NKAIN3: variants seen among roughly 807,000 people sequenced by gnomAD.
The protein encoded by NKAIN3 is sodium/potassium transporting ATPase interacting 3.
A neutral mutation model predicts 30.2 loss-of-function variants in NKAIN3; 25 were observed. The ratio of observed to expected loss-of-function variants is 0.83; its 90% CI spans 0.60 to 1.16. NKAIN3 has a LOEUF of 1.16. Among genes scored for constraint, NKAIN3 ranks in the 50% most tolerant of loss-of-function variants. NKAIN3 has a pLI of 0.00. For synonymous variants in NKAIN3, 91 were observed against 89.6 expected (o/e 1.02, Z -0.09); for missense variants, 225 against 254.1 (o/e 0.89, Z 0.78).
chr8:62,441,119 A>C (rs1455577232), intron 1 of NKAIN3, among the ~76,000 whole-genome samples: 2 of 152,112 alleles, frequency 1.3e-5, no homozygotes, highest in African/African-American at 4.8e-5. Context: ...TTTTGAATAT[A>C]AATATTCTCC....
Position 62,347,816 on chromosome 8 carries a change from A to G in NKAIN3, c.54+98689A>G, listed in dbSNP as rs926797869. Among the ~76,000 whole-genome samples, 8 of 152,084 alleles carry G rather than the reference A, an allele frequency of 5.3e-5. No individual in the cohort carries two copies. The South Asian group carries it at 1.7e-3, about 31-fold the overall frequency. On this transcript the variant is annotated intron_variant, in intron 1 of 6. Transcript: ENST00000623646. ...ATGAGGTTGCAAAATGACAACGGGA[A>G]AGCAAGAGCTACTCATTCTTCATTT... is the stretch of plus-strand genomic sequence containing the variant.
intron 4 of NKAIN3, among the ~76,000 whole-genome samples, chr8:62,788,607 C>T (rs1038244642): frequency 1.3e-5 from 2 of 152,086 alleles, no homozygotes; most frequent in Non-Finnish European, 2.9e-5. Flanking sequence ...GAAGTCCTTG[C>T]CCATGCCTAT....
intron 1 of NKAIN3, among the ~76,000 whole-genome samples, chr8:62,280,668 G>A (rs1052265959): frequency 2.6e-5 from 4 of 152,110 alleles, no homozygotes; most frequent in Admixed American, 2.6e-4. Context: ...TTTATATGCT[G>A]GATTACATTT....
chr8:62,616,044 C>G (rs953870771), intron 3 of NKAIN3, among the ~76,000 whole-genome samples: 1 of 152,134 alleles, frequency 6.6e-6, no homozygotes, highest in Admixed American at 6.5e-5. Context: ...ATTCCACCAT[C>G]TTACCCCAAC....
At chr8:62,263,495 C>T (rs898459793) in intron 1 of NKAIN3, among the ~76,000 whole-genome samples, 1 of 152,046 alleles carries the variant, frequency 6.6e-6, no homozygotes, top group African/African-American at 2.4e-5. Context: ...ATCAGCTGCT[C>T]GGCAGCCAAG....
chr8:62,927,558 A>G (rs1432142391), intron 5 of NKAIN3, among the ~76,000 whole-genome samples: 1 of 152,180 alleles, frequency 6.6e-6, no homozygotes, highest in Non-Finnish European at 1.5e-5. Context: ...GATCTTTGCA[A>G]ATTATAGGCA....
In NKAIN3 at chr8:62,992,545, T is replaced by G. The variant is rs1376727836; in HGVS notation, c.533-6686T>G. ...AAAACAGACAACACAGGCCATGATA[T>G]ATCGATAAGTCCCCTCCAAGTGTTA... On this transcript the variant is annotated intron_variant, in intron 5 of 5. Transcript: ENST00000519049. Among the ~76,000 whole-genome samples, 4 of 151,966 alleles carry G rather than the reference T, an allele frequency of 2.6e-5. 1 individual carries two copies. Among genetic ancestry groups the G allele is most frequent in the African/African-American group, 9.7e-5 (4 of 41,236 alleles).
At chr8:62,865,028 T>C (rs1242961164) in intron 4 of NKAIN3, among the ~76,000 whole-genome samples, 1 of 152,214 alleles carries the variant, frequency 6.6e-6, no homozygotes, top group Non-Finnish European at 1.5e-5. Context: ...GCATTGATCA[T>C]TGAACTGCTG....
At chr8:62,691,324 G>A (rs1813959038) in intron 3 of NKAIN3, among the ~76,000 whole-genome samples, 1 of 152,088 alleles carries the variant, frequency 6.6e-6, no homozygotes, top group South Asian at 2.1e-4. Flanking sequence ...GAGGAGAGAT[G>A]CGGGGACATT....
At chr8:62,813,132 C>T (rs964086620) in intron 4 of NKAIN3, among the ~76,000 whole-genome samples, 29 of 151,934 alleles carry the variant, frequency 1.9e-4, no homozygotes, top group South Asian at 6.2e-4. Flanking sequence ...TTCTTGGCTC[C>T]TTTTTTGAAA....
chr8:62,474,296 T>C (rs1032861588), intron 1 of NKAIN3: 1 of 152,166 alleles, frequency 6.6e-6, no homozygotes, highest in African/African-American at 2.4e-5. Context: ...AGGGACAAAC[T>C]CTTGGAGGTG....
At chr8:62,581,985 C>T (rs1420633555) in intron 2 of NKAIN3, among the ~76,000 whole-genome samples, 16 of 136,462 alleles carry the variant, frequency 1.2e-4, no homozygotes, top group African/African-American at 3.5e-4. Context: ...TCCTCCCTCC[C>T]TTCCTTCTTT....
intron 1 of NKAIN3, among the ~76,000 whole-genome samples, chr8:62,318,960 T>C (rs569213558): frequency 6.6e-6 from 1 of 152,290 alleles, no homozygotes; most frequent in East Asian, 1.9e-4. Flanking sequence ...ATCCATCTGG[T>C]CCTGGACTTT....
In NKAIN3 at chr8:62,974,904, A is replaced by G. The variant is rs1031650737; in HGVS notation, c.*9497A>G. ...GAATTTTGTCGAAGGCCTTTTCCGC[A>G]TCTATTGAGATAATCATGTGGTTTT... On this transcript the variant is annotated 3_prime_UTR_variant, in exon 7 of 7. Transcript: ENST00000623646. Among the ~76,000 whole-genome samples, 6 of 152,218 alleles carry G rather than the reference A, an allele frequency of 3.9e-5. No individual in the cohort carries two copies. Among genetic ancestry groups the G allele is most frequent in the Non-Finnish European group, 5.9e-5 (4 of 68,048 alleles).
intron 1 of NKAIN3, among the ~76,000 whole-genome samples, chr8:62,416,079 C>T (rs1356098351): frequency 2.6e-5 from 4 of 152,030 alleles, no homozygotes; most frequent in Admixed American, 2.6e-4. Flanking sequence ...TTTTCATACT[C>T]CTGAATAATG....
intron 1 of NKAIN3, among the ~76,000 whole-genome samples, chr8:62,530,946 A>C (rs546094980): frequency 6.6e-6 from 1 of 152,148 alleles, no homozygotes; most frequent in African/African-American, 2.4e-5. Flanking sequence ...TGCCTGGCCC[A>C]CTTCCTGGTT....
At chr8:62,515,095 T>C (rs78935500) in intron 1 of NKAIN3, among the ~76,000 whole-genome samples, 12,081 of 152,182 alleles carry the variant, frequency 0.079, 1,193 homozygotes, top group African/African-American at 0.23. Flanking sequence ...TCTCCTTGAC[T>C]GTAATACATC....
At chr8:62,986,776 T>C (rs560820086), downstream of NKAIN3, among the ~76,000 whole-genome samples, 2 of 152,280 alleles carry the variant, frequency 1.3e-5, no homozygotes, top group African/African-American at 4.8e-5. Flanking sequence ...TTCAGTATTA[T>C]ATTTCTAAAG....
intron 5 of NKAIN3, among the ~76,000 whole-genome samples, chr8:62,991,960 CG>C (rs912342296): frequency 4.0e-5 from 6 of 150,142 alleles, no homozygotes; most frequent in Non-Finnish European, 8.8e-5. Context: ...CACTGAGACC[CG>C]GGGCCCATAC....
Sources: allele counts gnomAD v4.1 joint callset (sites outside exome capture counted in the v4.1 genomes callset), GRCh38; gene constraint gnomAD v4.1.1; transcripts MANE v1.5; gene names NCBI Gene and HGNC (gene_info 2026-07-23, HGNC 2026-07-21).